The following TTC27 variants were observed in gnomAD, a reference collection of about 807,000 sequenced individuals.
TTC27 encodes tetratricopeptide repeat domain 27.
TTC27 carries 79 observed loss-of-function variants against 115.9 expected under a neutral mutation model. The observed-to-expected ratio is 0.68, with a 90% confidence interval of 0.57 to 0.82. TTC27 has a LOEUF of 0.82. Ranked by LOEUF, TTC27 falls within the 40% of genes least tolerant of loss-of-function variation. The pLI, the probability that TTC27 is intolerant of heterozygous loss-of-function variation, is 0.00. For missense variants in TTC27, 1,054 were observed against 993.1 expected (o/e 1.06, Z -0.82); for synonymous variants, 401 against 356.0 (o/e 1.13, Z -1.42).
At chr2:32,778,948 G>C (rs952266767) in intron 14 of TTC27, among the ~76,000 whole-genome samples, 2 of 152,236 alleles carry the variant, frequency 1.3e-5, no homozygotes, top group South Asian at 2.1e-4. Flanking sequence ...TTTAGGCCGG[G>C]TGTGGTGGCT....
intron 13 of TTC27, among the ~76,000 whole-genome samples, chr2:32,767,014 G>A (rs1471603146): frequency 6.6e-6 from 1 of 152,062 alleles, no homozygotes; most frequent in Non-Finnish European, 1.5e-5. Context: ...TTGAACTCCT[G>A]GCCTCAAGCG....
intron 12 of TTC27, among the ~76,000 whole-genome samples, chr2:32,746,411 A>G (rs1281800932): frequency 1.3e-5 from 2 of 151,904 alleles, no homozygotes; most frequent in East Asian, 3.9e-4. Flanking sequence ...AAAATACAAA[A>G]AATTAGCCGG....
At chr2:32,669,140 A>T (rs1665913197) in intron 7 of TTC27, among the ~76,000 whole-genome samples, 1 of 152,094 alleles carries the variant, frequency 6.6e-6, no homozygotes, top group African/African-American at 2.4e-5. Context: ...TTTAGAGACC[A>T]GGTTATGAGA....
intron 10 of TTC27, among the ~76,000 whole-genome samples, chr2:32,714,922 T>A (rs1380486978): frequency 6.6e-6 from 1 of 152,190 alleles, no homozygotes; most frequent in Non-Finnish European, 1.5e-5. Context: ...TTTGCCCACT[T>A]TTTAATGGGG....
intron 5 of TTC27, among the ~76,000 whole-genome samples, chr2:32,661,118 A>T (rs114464775): frequency 0.2 from 29,987 of 152,008 alleles, 3,495 homozygotes; most frequent in Middle Eastern, 0.35. Context: ...ACTCTGTTTC[A>T]TTGGTCTATA....
intron 9 of TTC27, among the ~76,000 whole-genome samples, chr2:32,701,141 G>A (rs1260012365): frequency 6.6e-6 from 1 of 152,174 alleles, no homozygotes; most frequent in Non-Finnish European, 1.5e-5. Flanking sequence ...TGTTTTGTTT[G>A]CTATTCTGTC....
intron 4 of TTC27, among the ~76,000 whole-genome samples, chr2:32,640,670 A>G (rs1664608223): frequency 1.3e-5 from 2 of 151,898 alleles, no homozygotes; most frequent in Admixed American, 1.3e-4. Context: ...ATTTGCAGAA[A>G]TCTTAAATAT....
chr2:32,767,752 C>T (rs1014854141), intron 13 of TTC27, among the ~76,000 whole-genome samples: 10 of 152,168 alleles, frequency 6.6e-5, no homozygotes, highest in East Asian at 1.9e-4. Flanking sequence ...TGAGCCACCG[C>T]GCCCGGCCAT....
chr2:32,696,337 T>G (rs570800199), intron 9 of TTC27, among the ~76,000 whole-genome samples: 1 of 151,654 alleles, frequency 6.6e-6, no homozygotes, highest in South Asian at 2.1e-4. Flanking sequence ...TCGCCCAGAC[T>G]GGAGTGCAGT....
At position 32,736,720 on chromosome 2, in the gene TTC27, G is replaced by A; in HGVS notation, c.1356G>A (p.Glu452=). 1 of 1,613,978 alleles carries A rather than the reference G, an allele frequency of 6.2e-7. No homozygotes were observed. The highest frequency in any genetic ancestry group is 1.7e-5 in the Admixed American group (1 of 60,002). Reference sequence around the variant, plus strand: ...GCCAACTTGCAAGTTTGCTCTTTGAGTTGGGATGTACCAGTTCAGCCCTTC... The same window carrying A: ...GCCAACTTGCAAGTTTGCTCTTTGAATTGGGATGTACCAGTTCAGCCCTTC... The part of the protein sequence containing the change: ...IQRQLASLLF[E]LGCTSSALQI... Residue 452 remains glutamate, a synonymous_variant, in exon 12 of 20, where the codon GAG becomes GAA. Transcript: ENST00000317907.
chr2:32,768,987 A>G, intron 13 of TTC27, among the ~76,000 whole-genome samples: 1 of 152,190 alleles, frequency 6.6e-6, no homozygotes, highest in East Asian at 1.9e-4. Context: ...TGTAGCAGAG[A>G]TTGTTGCTAG....
At chr2:32,799,356 A>T (rs992059909) in intron 16 of TTC27, among the ~76,000 whole-genome samples, 3 of 152,202 alleles carry the variant, frequency 2.0e-5, no homozygotes, top group African/African-American at 7.2e-5. Context: ...GATGAATTGT[A>T]CATTTAAAAA....
At chr2:32,715,416 G>C (rs994798129) in intron 10 of TTC27, among the ~76,000 whole-genome samples, 2 of 152,100 alleles carry the variant, frequency 1.3e-5, no homozygotes, top group African/African-American at 4.8e-5. Context: ...TCTCTATTCT[G>C]TTCCATTGGT....
At chr2:32,706,944 C>T (rs2151903405) in intron 10 of TTC27, among the ~76,000 whole-genome samples, 1 of 152,300 alleles carries the variant, frequency 6.6e-6, no homozygotes, top group South Asian at 2.1e-4. Context: ...GTTGGAGAGG[C>T]CAGGTGACTA....
At chr2:32,687,439 ATATTT>A (rs996407348) in intron 9 of TTC27, among the ~76,000 whole-genome samples, 32 of 152,240 alleles carry the variant, frequency 2.1e-4, no homozygotes, top group African/African-American at 7.2e-4. Flanking sequence ...GTAAAATGGT[ATATTT>A]AAACCAAGCC....
chr2:32,790,509 C>T (rs1323210698), intron 16 of TTC27, among the ~76,000 whole-genome samples: 1 of 151,994 alleles, frequency 6.6e-6, no homozygotes, highest in Non-Finnish European at 1.5e-5. Context: ...TATGTGTATA[C>T]AATGTGGAAT....
chr2:32,774,832 C>T (rs1298926242), intron 13 of TTC27, among the ~76,000 whole-genome samples: 2 of 152,198 alleles, frequency 1.3e-5, no homozygotes, highest in African/African-American at 2.4e-5. Context: ...GTGTGCAAAG[C>T]TCATTTCCCT....
At chr2:32,778,362 C>T (rs1670067501) in intron 14 of TTC27, among the ~76,000 whole-genome samples, 1 of 152,004 alleles carries the variant, frequency 6.6e-6, no homozygotes, top group African/African-American at 2.4e-5. Context: ...ATATAATTCA[C>T]CTATTTAATA....
At chr2:32,685,756 A>T (rs1666607299) in intron 9 of TTC27, among the ~76,000 whole-genome samples, 1 of 152,244 alleles carries the variant, frequency 6.6e-6, no homozygotes, top group South Asian at 2.1e-4. Context: ...AGCTAAAATC[A>T]TTATTGGTGA....
Sources: gnomAD v4.1 joint callset for allele counts (sites outside exome capture counted in the v4.1 genomes callset) on GRCh38, gnomAD v4.1.1 for gene constraint, MANE v1.5 for transcripts, NCBI Gene and HGNC (gene_info 2026-07-23, HGNC 2026-07-21) for gene names.